CSMD3: variants seen among roughly 807,000 people sequenced by gnomAD.
CSMD3 encodes the protein CUB and sushi domain-containing protein 3.
A neutral mutation model predicts 435.2 loss-of-function variants in CSMD3; 177 were observed. The ratio of observed to expected loss-of-function variants is 0.41; its 90% CI spans 0.36 to 0.46. The LOEUF is 0.46. CSMD3 is among the 20% of genes least tolerant of loss of function. The pLI is 0.34. For synonymous variants in CSMD3, 1,656 were observed against 1,520.5 expected, an observed-to-expected ratio of 1.09 and a Z score of -2.07; for missense variants, 4,265 against 4,504.6, an observed-to-expected ratio of 0.95 and a Z score of 1.52.
At chr8:112,442,256 C>T (rs1368614498) in intron 32 of CSMD3, among the ~76,000 whole-genome samples, 1 of 152,128 alleles carries the variant, frequency 6.6e-6, no homozygotes, top group Non-Finnish European at 1.5e-5. Context: ...GGATCCATCC[C>T]CATGACCCAA....
chr8:112,868,354 T>C (rs746676170), intron 10 of CSMD3, among the ~76,000 whole-genome samples: 23 of 152,170 alleles, frequency 1.5e-4, no homozygotes, highest in Non-Finnish European at 4.4e-5. Context: ...ATAAAAAGTA[T>C]GGTGTAGTAA....
At chr8:112,906,903 G>T (rs577018405) in intron 10 of CSMD3, among the ~76,000 whole-genome samples, 7 of 151,538 alleles carry the variant, frequency 4.6e-5, no homozygotes, top group Non-Finnish European at 1.0e-4. Context: ...TGAATGAATT[G>T]TAACCTCAAA....
intron 45 of CSMD3, among the ~76,000 whole-genome samples, chr8:112,324,190 T>G (rs1163374605): frequency 1.3e-5 from 2 of 152,048 alleles, no homozygotes; most frequent in East Asian, 3.9e-4. Flanking sequence ...AGCTGAACTT[T>G]CCTGGGTGCT....
intron 12 of CSMD3, among the ~76,000 whole-genome samples, chr8:112,820,886 G>A (rs1286253863): frequency 1.3e-5 from 2 of 152,110 alleles, no homozygotes; most frequent in East Asian, 3.9e-4. Context: ...TCCCACTTAT[G>A]AGTGAGAACA....
chr8:112,477,683 C>G (rs1819198653), intron 31 of CSMD3, among the ~76,000 whole-genome samples: 1 of 152,164 alleles, frequency 6.6e-6, no homozygotes, highest in South Asian at 2.1e-4. Context: ...GGATTGCAAG[C>G]TTTCTGAGGC....
chr8:113,413,860 T>C (rs556864010), intron 1 of CSMD3, among the ~76,000 whole-genome samples: 18 of 152,216 alleles, frequency 1.2e-4, no homozygotes, highest in Non-Finnish European at 2.5e-4. Context: ...CCTTCTTGTA[T>C]GAATATTGAT....
At chr8:113,048,132 G>A (rs542513589) in intron 5 of CSMD3, among the ~76,000 whole-genome samples, 2 of 130,468 alleles carry the variant, frequency 1.5e-5, no homozygotes, top group African/African-American at 5.9e-5. Flanking sequence ...TCGCTCTGTC[G>A]CCCAGGCTGG....
chr8:112,351,560 C>T (rs1826138701), intron 39 of CSMD3, among the ~76,000 whole-genome samples: 1 of 151,788 alleles, frequency 6.6e-6, no homozygotes, highest in African/African-American at 2.4e-5. Flanking sequence ...AGTGAAAGGG[C>T]AGTATACATG....
intron 4 of CSMD3, among the ~76,000 whole-genome samples, chr8:113,154,097 G>A (rs1206566966): frequency 6.6e-6 from 1 of 151,938 alleles, no homozygotes; most frequent in African/African-American, 2.4e-5. Context: ...ATTTGGACCT[G>A]TGTTTTCACG....
intron 58 of CSMD3, among the ~76,000 whole-genome samples, chr8:112,285,180 C>T (rs1392105829): frequency 2.6e-5 from 4 of 152,164 alleles, no homozygotes. Flanking sequence ...GCAATATCAG[C>T]ACAAGTCTGC....
At chr8:112,313,834 T>C (rs1332773774) in intron 49 of CSMD3, 72 bp downstream of exon 49, 1 of 1,223,434 alleles carries the variant, frequency 8.2e-7, no homozygotes, top group East Asian at 2.3e-5. Context: ...CTGAATAGTG[T>C]CTCTGCTCCT....
At chr8:112,396,119 T>C (rs2129829953) in intron 35 of CSMD3, among the ~76,000 whole-genome samples, 1 of 152,228 alleles carries the variant, frequency 6.6e-6, no homozygotes, top group South Asian at 2.1e-4. Flanking sequence ...GCAAAATTAA[T>C]GAACATTTTC....
intron 38 of CSMD3, among the ~76,000 whole-genome samples, chr8:112,360,571 C>G (rs1284876428): frequency 6.6e-6 from 1 of 151,376 alleles, no homozygotes; most frequent in Non-Finnish European, 1.5e-5. Flanking sequence ...GGTTGTAATT[C>G]TTGATTATAA....
intron 22 of CSMD3, among the ~76,000 whole-genome samples, chr8:112,609,880 G>A (rs140081869): frequency 1.8e-4 from 28 of 152,212 alleles, no homozygotes; most frequent in African/African-American, 5.3e-4. Flanking sequence ...CAACATGGAT[G>A]AACCTGCAAG....
At chr8:112,874,600 A>T (rs2081228316) in intron 10 of CSMD3, among the ~76,000 whole-genome samples, 1 of 152,146 alleles carries the variant, frequency 6.6e-6, no homozygotes, top group Admixed American at 6.5e-5. Context: ...TTGGGTGCAT[A>T]TATATTTAGG....
chr8:113,131,483 C>T (rs1431101999), intron 4 of CSMD3, among the ~76,000 whole-genome samples: 1 of 152,060 alleles, frequency 6.6e-6, no homozygotes, highest in Non-Finnish European at 1.5e-5. Flanking sequence ...TGGCAGCTTC[C>T]ACGTGGTACT....
At position 112,827,164 on chromosome 8, in the gene CSMD3, A is replaced by ATATATATATATATATAT. The variant is rs1564000272; in HGVS notation, c.1859+2521_1859+2522insATATATATATATATATA. On this transcript the variant is annotated intron_variant, in intron 12 of 70. Transcript: ENST00000297405. ...TTCTGTATTTTACTAGGTTACCATA[A>ATATATATATATATATAT]ATATATATATATATATATATATATA... Among the ~76,000 whole-genome samples, 35 of 82,824 alleles carry ATATATATATATATATAT rather than the reference A, an allele frequency of 4.2e-4. 6 individuals are homozygous for ATATATATATATATATAT. Among genetic ancestry groups the ATATATATATATATATAT allele is most frequent in the South Asian group, 1.4e-3 (3 of 2,164 alleles). The allele number at this position is 82,824 out of a possible 152,430, so 54.3% of individuals were successfully genotyped here.
intron 32 of CSMD3, among the ~76,000 whole-genome samples, chr8:112,454,441 A>G (rs1028418359): frequency 1.3e-5 from 2 of 152,170 alleles, no homozygotes; most frequent in African/African-American, 4.8e-5. Context: ...ACTCCACCAA[A>G]ACATGGGCAA....
chr8:113,012,682 C>A (rs2086300825), intron 6 of CSMD3, among the ~76,000 whole-genome samples: 1 of 151,908 alleles, frequency 6.6e-6, no homozygotes, highest in Non-Finnish European at 1.5e-5. Context: ...CTGAGGCCTC[C>A]CCATCCATGC....
Sources: allele counts gnomAD v4.1 joint callset (sites outside exome capture counted in the v4.1 genomes callset), GRCh38; gene constraint gnomAD v4.1.1; transcripts MANE v1.5; gene names NCBI Gene and HGNC (gene_info 2026-07-23, HGNC 2026-07-21).